The following CNBD1 variants were observed in gnomAD, a reference collection of about 807,000 sequenced individuals.
CNBD1 encodes cyclic nucleotide binding domain containing 1.
Under a neutral mutation model 54.4 loss-of-function variants are expected in CNBD1, and 71 were observed. The ratio of observed to expected loss-of-function variants is 1.30; its 90% CI spans 1.08 to 1.59. The LOEUF (loss-of-function observed/expected upper bound fraction) is 1.59, where lower values mean the gene tolerates loss of function less well. Ranked by LOEUF, CNBD1 falls within the 40% of genes most tolerant of loss-of-function variation. CNBD1 has a pLI of 0.00. For synonymous variants in CNBD1, 182 were observed against 170.7 expected (o/e 1.07, Z -0.51); for missense variants, 659 against 518.0 (o/e 1.27, Z -2.64).
At chr8:86,893,994 T>C (rs191063015) in intron 2 of CNBD1, among the ~76,000 whole-genome samples, 6 of 146,914 alleles carry the variant, frequency 4.1e-5, no homozygotes, top group African/African-American at 4.9e-5. Context: ...CATTATGTAC[T>C]ACAAGTTAAA....
At chr8:86,874,986 T>TATATATA (rs1554626871) in intron 1 of CNBD1, among the ~76,000 whole-genome samples, 4 of 120,120 alleles carry the variant, frequency 3.3e-5, no homozygotes, top group African/African-American at 6.9e-5. Flanking sequence ...GTAAATCAAT[T>TATATATA]TATATATATA....
intron 4 of CNBD1, among the ~76,000 whole-genome samples, chr8:87,073,993 CG>C (rs1404240906): frequency 6.6e-6 from 1 of 150,826 alleles, no homozygotes; most frequent in Non-Finnish European, 1.5e-5. Flanking sequence ...CCCAGCTACT[CG>C]GGAGGCTGAG....
At chr8:87,386,717 G>T (rs1811197490), downstream of CNBD1, among the ~76,000 whole-genome samples, 1 of 152,202 alleles carries the variant, frequency 6.6e-6, no homozygotes, top group Admixed American at 6.5e-5. Flanking sequence ...CCCCAATGTA[G>T]CAAGGCAGGC....
chr8:87,376,377 G>T (rs189738164), intron 10 of CNBD1, among the ~76,000 whole-genome samples: 1 of 151,760 alleles, frequency 6.6e-6, no homozygotes, highest in Non-Finnish European at 1.5e-5. Context: ...TAAGGGCTCG[G>T]CCCTCAGCAC....
chr8:87,320,945 A>G (rs992068606), intron 8 of CNBD1, among the ~76,000 whole-genome samples: 4 of 152,176 alleles, frequency 2.6e-5, no homozygotes, highest in African/African-American at 9.6e-5. Context: ...ACCTCATATT[A>G]GTGGAATCAT....
intron 4 of CNBD1, among the ~76,000 whole-genome samples, chr8:87,065,490 T>A (rs1810630092): frequency 6.6e-6 from 1 of 151,910 alleles, no homozygotes; most frequent in African/African-American, 2.4e-5. Flanking sequence ...TTGGATGTAG[T>A]CCCTCTGTGG....
At chr8:87,373,513 T>C (rs988196157) in intron 10 of CNBD1, among the ~76,000 whole-genome samples, 1 of 151,872 alleles carries the variant, frequency 6.6e-6, no homozygotes, top group African/African-American at 2.4e-5. Flanking sequence ...TATACTCTTG[T>C]AATTATGATG....
At chr8:86,888,472 T>C (rs1444649469) in intron 2 of CNBD1, among the ~76,000 whole-genome samples, 2 of 152,134 alleles carry the variant, frequency 1.3e-5, no homozygotes, top group African/African-American at 4.8e-5. Flanking sequence ...ATGTGAATCC[T>C]GTCTCAGCCA....
At chr8:87,377,032 T>C (rs546597912) in intron 10 of CNBD1, among the ~76,000 whole-genome samples, 1 of 149,868 alleles carries the variant, frequency 6.7e-6, no homozygotes, top group Admixed American at 6.6e-5. Context: ...TTTTTTTTTT[T>C]TACATTTAGA....
At chr8:87,330,370 G>C (rs950002319) in intron 8 of CNBD1, among the ~76,000 whole-genome samples, 2 of 150,262 alleles carry the variant, frequency 1.3e-5, no homozygotes, top group Admixed American at 6.6e-5. Flanking sequence ...ATTTTTACTA[G>C]TTTTATTTTT....
At chr8:87,303,343 A>G (rs1809057160) in intron 8 of CNBD1, among the ~76,000 whole-genome samples, 1 of 152,042 alleles carries the variant, frequency 6.6e-6, no homozygotes, top group Admixed American at 6.6e-5. Flanking sequence ...CATATCTACA[A>G]ACATCTGATC....
intron 4 of CNBD1, among the ~76,000 whole-genome samples, chr8:87,153,621 C>T (rs1586293545): frequency 6.6e-6 from 1 of 152,270 alleles, no homozygotes; most frequent in East Asian, 1.9e-4. Context: ...TAGACCAATA[C>T]TTAAAGCCTG....
rs1222708539 is a variant in CNBD1 at position 87,166,563 on chromosome 8, G to A, written c.432-39430G>A. The stretch of plus-strand genomic sequence containing the variant: ...TTAACAATGTTACACATGGCCTGAG[G>A]GATCTGGCCCAGCTCAGTTTCTCAA... On this transcript the variant is annotated intron_variant, in intron 4 of 10. Coordinates refer to ENST00000518476, the MANE Select transcript of CNBD1 (RefSeq NM_173538.3). The surrounding 1 kb of genome is among the most constrained non-coding windows in gnomAD (Gnocchi z 4.3). Among the ~76,000 whole-genome samples, 2 of 151,886 alleles carry A rather than the reference G, an allele frequency of 1.3e-5. No homozygotes were observed. The highest frequency in any genetic ancestry group is 4.8e-5 in the African/African-American group (2 of 41,360).
At chr8:87,359,980 T>C (rs1810495449) in intron 10 of CNBD1, among the ~76,000 whole-genome samples, 1 of 152,054 alleles carries the variant, frequency 6.6e-6, no homozygotes, top group Non-Finnish European at 1.5e-5. Context: ...AAAACAGCAA[T>C]TCTTTTAGAA....
chr8:87,395,613 G>A (rs530208096), intron 2 of CNBD1, among the ~76,000 whole-genome samples: 19 of 151,852 alleles, frequency 1.3e-4, no homozygotes, highest in Non-Finnish European at 2.7e-4. Flanking sequence ...GAAGGCTAAT[G>A]ATCATTCTCT....
chr8:87,210,088 G>A (rs1394204482), intron 5 of CNBD1, among the ~76,000 whole-genome samples: 1 of 152,182 alleles, frequency 6.6e-6, no homozygotes, highest in Non-Finnish European at 1.5e-5. Context: ...TCTCTTTAAT[G>A]AATGGTGTTG....
chr8:87,414,307 G>A (rs1807801219), intron 2 of CNBD1, among the ~76,000 whole-genome samples: 1 of 152,042 alleles, frequency 6.6e-6, no homozygotes, highest in South Asian at 2.1e-4. Flanking sequence ...TCACTCATAG[G>A]TGGGAATTGA....
At chr8:87,325,650 T>C (rs10092436) in intron 8 of CNBD1, among the ~76,000 whole-genome samples, 1 of 122,720 alleles carries the variant, frequency 8.1e-6, no homozygotes, top group East Asian at 2.1e-4. Context: ...GTTTTCCATT[T>C]GCTTGGTAGA....
intron 6 of CNBD1, among the ~76,000 whole-genome samples, chr8:87,244,962 T>G (rs1032279397): frequency 6.6e-6 from 1 of 152,274 alleles, no homozygotes; most frequent in African/African-American, 2.4e-5. Flanking sequence ...ATGTGATTGC[T>G]TTATTCTTAA....
Sources: gnomAD v4.1 joint callset for allele counts (sites outside exome capture counted in the v4.1 genomes callset) on GRCh38, gnomAD v4.1.1 for gene constraint, Gnocchi (gnomAD v3.1) non-coding constraint, MANE v1.5 for transcripts, NCBI Gene and HGNC (gene_info 2026-07-23, HGNC 2026-07-21) for gene names.